GLG1: variants seen among roughly 807,000 people sequenced by gnomAD.
The protein encoded by GLG1 is Golgi apparatus protein 1.
Under a neutral mutation model 160.5 loss-of-function variants are expected in GLG1, and 38 were observed. The observed-to-expected ratio is 0.24, with a 90% CI of 0.18 to 0.31. The LOEUF (loss-of-function observed/expected upper bound fraction) is 0.31. GLG1 is among the 10% of genes least tolerant of loss of function. GLG1 has a pLI of 1.00. For synonymous variants in GLG1, 644 were observed against 543.4 expected (o/e 1.19, Z -2.57); for missense variants, 1,373 against 1,505.2 (o/e 0.91, Z 1.45).
intron 1 of GLG1, among the ~76,000 whole-genome samples, chr16:74,557,728 C>T (rs2018392109): frequency 6.6e-6 from 1 of 151,832 alleles, no homozygotes; most frequent in Non-Finnish European, 1.5e-5. Context: ...CCAGCTGGTT[C>T]CTTGGTAGAA....
At chr16:74,513,478 C>A (rs945596701) in intron 2 of GLG1, among the ~76,000 whole-genome samples, 8 of 152,126 alleles carry the variant, frequency 5.3e-5, no homozygotes, top group African/African-American at 1.9e-4. Context: ...GTTCTGCAGC[C>A]TCCGCTGGTG....
At chr16:74,575,879 T>C (rs1275702221) in intron 1 of GLG1, among the ~76,000 whole-genome samples, 1 of 152,074 alleles carries the variant, frequency 6.6e-6, no homozygotes, top group Admixed American at 6.6e-5. Context: ...AAGCACAGTG[T>C]GCTCTCATGC....
Position 74,485,827 on chromosome 16 carries a change from C to T in GLG1, c.1540G>A (p.Ala514Thr). ...TCTCCAGATCTTATATGTTTGCAGG[C>T]TGTCTGGATTACAGATTCACAAGCT... is the stretch of plus-strand genomic sequence containing the variant. ...NEACESVIQT[A>T]CKHIRSGDPM... Residue 514 changes from alanine (A) to threonine (T), a missense_variant, in exon 9 of 26, where the codon GCC (alanine) becomes ACC (threonine). Around this residue, in one of 4 missense-constraint regions of GLG1, gnomAD observed 386 missense variants for 388.5 expected, o/e 0.99. Coordinates refer to ENST00000422840, the MANE Select transcript of GLG1 (RefSeq NM_001145667.2). The T allele has an allele frequency of 6.2e-7, 1 of 1,612,924 alleles. No individual in the cohort carries two copies. The highest frequency in any genetic ancestry group is 8.5e-7 in the Non-Finnish European group (1 of 1,178,952).
In GLG1 at chr16:74,452,914, G is replaced by T. The variant is rs773505170; in HGVS notation, c.*253C>A. On this transcript the variant is annotated 3_prime_UTR_variant, in exon 26 of 26. Coordinates refer to ENST00000422840, the MANE Select transcript of GLG1 (RefSeq NM_001145667.2). ...TTGGTATGAGAGAGACTTGTCTACA[G>T]GCAGGTAAACCCAAGTTTGCCAAAC... 809 of 1,187,164 alleles carry T rather than the reference G, an allele frequency of 6.8e-4. 1 individual carries two copies. Among genetic ancestry groups the T allele is most frequent in the Non-Finnish European group, 8.0e-4 (767 of 958,782 alleles). 73.5% of individuals were successfully genotyped at this position (1,187,164 alleles called of 1,614,324 possible). A position where few individuals can be genotyped will look rare whatever the true frequency, so the allele number is the denominator to read the frequency against.
intron 2 of GLG1, among the ~76,000 whole-genome samples, chr16:74,528,348 T>C (rs2017407898): frequency 6.6e-6 from 1 of 152,122 alleles, no homozygotes; most frequent in African/African-American, 2.4e-5. Context: ...TAGAATTCCA[T>C]GTTGGCATTT....
intron 2 of GLG1, among the ~76,000 whole-genome samples, chr16:74,530,984 C>T (rs2017513716): frequency 6.6e-6 from 1 of 152,056 alleles, no homozygotes; most frequent in Non-Finnish European, 1.5e-5. Context: ...CAAATATAGT[C>T]CTTTTCATCT....
intron 4 of GLG1, among the ~76,000 whole-genome samples, chr16:74,498,448 G>GTATATATATATATATAATATATATA (rs2016282339): frequency 1.2e-4 from 3 of 24,052 alleles, no homozygotes; most frequent in East Asian, 3.5e-3. Flanking sequence ...AAAAAAAAAA[G>GTATATATATATATATAATATATATA]TATATATATA....
chr16:74,542,716 G>GGAAGGGAGGAA (rs752290157), intron 1 of GLG1, among the ~76,000 whole-genome samples: 4 of 29,784 alleles, frequency 1.3e-4, no homozygotes, highest in Non-Finnish European at 2.5e-4. Context: ...AAGGGAAGAA[G>GGAAGGGAGGAA]GGAAGGAAGG....
intron 9 of GLG1, among the ~76,000 whole-genome samples, chr16:74,485,568 C>T (rs1597253680): frequency 6.6e-6 from 1 of 152,072 alleles, no homozygotes; most frequent in African/African-American, 2.4e-5. Flanking sequence ...AGTCATTGTC[C>T]GTAAACACCA....
At chr16:74,546,388 T>C (rs1338628126) in intron 1 of GLG1, among the ~76,000 whole-genome samples, 1 of 152,096 alleles carries the variant, frequency 6.6e-6, no homozygotes, top group Non-Finnish European at 1.5e-5. Flanking sequence ...GAGATTGCAG[T>C]AAGCAGAGAT....
chr16:74,498,448 G>GTGTGTATATATATATATATA (rs1491436581), intron 4 of GLG1, among the ~76,000 whole-genome samples: 1 of 24,038 alleles, frequency 4.2e-5, no homozygotes, highest in Non-Finnish European at 7.7e-5. Context: ...AAAAAAAAAA[G>GTGTGTATATATATATATATA]TATATATATA....
chr16:74,471,348 C>G (rs1456233712), intron 14 of GLG1, 62 bp from the exon 15 acceptor site: 1 of 938,652 alleles, frequency 1.1e-6, no homozygotes, highest in Non-Finnish European at 1.8e-6. Flanking sequence ...AACTTGTAGC[C>G]CAGTCCGAAA....
intron 1 of GLG1, among the ~76,000 whole-genome samples, chr16:74,564,869 A>G (rs1171978820): frequency 6.6e-6 from 1 of 152,234 alleles, no homozygotes; most frequent in Non-Finnish European, 1.5e-5. Context: ...TCCTAAAAAC[A>G]AGAGATCCCA....
chr16:74,495,989 T>A (rs983587696), intron 5 of GLG1, among the ~76,000 whole-genome samples: 1 of 152,086 alleles, frequency 6.6e-6, no homozygotes, highest in African/African-American at 2.4e-5. Flanking sequence ...AATATTTAAG[T>A]CACAGTGGCT....
chr16:74,596,684 T>A (rs977608182), intron 1 of GLG1, among the ~76,000 whole-genome samples: 1 of 152,222 alleles, frequency 6.6e-6, no homozygotes, highest in Admixed American at 6.5e-5. Flanking sequence ...GACAGTGCAG[T>A]CCTAGGTTAC....
chr16:74,499,566 G>C (rs949313461), intron 4 of GLG1, among the ~76,000 whole-genome samples: 3 of 152,198 alleles, frequency 2.0e-5, no homozygotes, highest in African/African-American at 7.2e-5. Context: ...TAGCCTAGGT[G>C]TGTAGTAGGC....
intron 2 of GLG1, among the ~76,000 whole-genome samples, chr16:74,531,078 A>G (rs1278044525): frequency 6.6e-6 from 1 of 152,200 alleles, no homozygotes; most frequent in Non-Finnish European, 1.5e-5. Context: ...ATATATTTTT[A>G]AAACATCATT....
intron 1 of GLG1, among the ~76,000 whole-genome samples, chr16:74,563,596 G>A (rs771982039): frequency 2.0e-5 from 3 of 151,850 alleles, no homozygotes; most frequent in African/African-American, 7.3e-5. Flanking sequence ...GCGTGGTGGC[G>A]TGTGCCTGTA....
At chr16:74,533,350 T>G (rs1423970410) in intron 1 of GLG1, among the ~76,000 whole-genome samples, 1 of 151,972 alleles carries the variant, frequency 6.6e-6, no homozygotes, top group African/African-American at 2.4e-5. Flanking sequence ...AAAACAAAAC[T>G]TTCAATTCCA....
Sources: allele counts gnomAD v4.1 joint callset (sites outside exome capture counted in the v4.1 genomes callset), GRCh38; gene constraint gnomAD v4.1.1; regional missense constraint gnomAD v4.1.1; transcripts MANE v1.5; gene names NCBI Gene and HGNC (gene_info 2026-07-23, HGNC 2026-07-21).